The following PLCXD3 variants were observed in gnomAD, a reference collection of about 807,000 sequenced individuals.
The protein encoded by PLCXD3 is PI-PLC X domain-containing protein 3.
A neutral mutation model predicts 25.5 loss-of-function variants in PLCXD3; 19 were observed. The ratio of observed to expected loss-of-function variants is 0.75; its 90% CI spans 0.52 to 1.09. PLCXD3 has a LOEUF of 1.09. Among genes scored for constraint, PLCXD3 ranks in the 50% least tolerant of loss-of-function variants. The probability of loss-of-function intolerance (pLI) is 0.00; values close to 1 mark genes in which losing one functional copy is unlikely to be tolerated. For missense variants in PLCXD3, 411 were observed against 388.1 expected (o/e 1.06, Z -0.50); for synonymous variants, 174 against 137.6 (o/e 1.26, Z -1.85).
rs183885914 is a variant in PLCXD3, at chr5:41,349,301, C to T, written c.812+32525G>A. On this transcript the variant is annotated intron_variant, in intron 2 of 2. Coordinates refer to ENST00000377801, the MANE Select transcript of PLCXD3 (RefSeq NM_001005473.3). ...AAGCATGGCTTTAGGATCAAAGAAGCTATCAGAAGTTCAAAATTTTATGTC... is the reference window on the plus strand; with the variant it reads ...AAGCATGGCTTTAGGATCAAAGAAGTTATCAGAAGTTCAAAATTTTATGTC... Among the ~76,000 whole-genome samples, 373 of 152,258 alleles carry T rather than the reference C, an allele frequency of 2.4e-3. 2 individuals carry two copies. The highest frequency in any genetic ancestry group is 7.9e-3 in the African/African-American group (330 of 41,554).
chr5:41,450,026 A>T (rs893971945), intron 1 of PLCXD3, among the ~76,000 whole-genome samples: 1 of 152,044 alleles, frequency 6.6e-6, no homozygotes, highest in African/African-American at 2.4e-5. Flanking sequence ...AGAGAACAGC[A>T]ATACAGTAAA....
At chr5:41,477,710 G>A (rs1373589854) in intron 1 of PLCXD3, among the ~76,000 whole-genome samples, 1 of 151,984 alleles carries the variant, frequency 6.6e-6, no homozygotes, top group Admixed American at 6.6e-5. Context: ...GGCATTAGAA[G>A]TCATTCTGAA....
chr5:41,468,609 A>G (rs1748079103), intron 1 of PLCXD3, among the ~76,000 whole-genome samples: 1 of 152,188 alleles, frequency 6.6e-6, no homozygotes, highest in African/African-American at 2.4e-5. Flanking sequence ...TAAATTTACA[A>G]CTAAGTATTT....
chr5:41,387,841 T>A (rs550470907), intron 1 of PLCXD3, among the ~76,000 whole-genome samples: 1 of 152,252 alleles, frequency 6.6e-6, no homozygotes, highest in Admixed American at 6.5e-5. Flanking sequence ...CAGCTTAATA[T>A]GTGATGCACA....
At chr5:41,381,485 T>C (rs1745459678) in intron 2 of PLCXD3, among the ~76,000 whole-genome samples, 1 of 151,836 alleles carries the variant, frequency 6.6e-6, no homozygotes, top group African/African-American at 2.4e-5. Context: ...GAAAATGGCA[T>C]GAGAAAAAGG....
intron 2 of PLCXD3, among the ~76,000 whole-genome samples, chr5:41,323,073 A>G (rs562466538): frequency 2.6e-5 from 4 of 152,324 alleles, no homozygotes; most frequent in Admixed American, 2.6e-4. Flanking sequence ...TTGCAACGAC[A>G]TGCATGGAAC....
intron 2 of PLCXD3, among the ~76,000 whole-genome samples, chr5:41,332,933 G>T (rs2150475153): frequency 6.6e-6 from 1 of 152,158 alleles, no homozygotes; most frequent in Non-Finnish European, 1.5e-5. Flanking sequence ...ATCACACTCT[G>T]GGGACTGTTG....
At chr5:41,488,698 C>T (rs1216739348) in intron 1 of PLCXD3, among the ~76,000 whole-genome samples, 1 of 146,824 alleles carries the variant, frequency 6.8e-6, no homozygotes, top group African/African-American at 2.6e-5. Flanking sequence ...AGCATTTTTT[C>T]ATGTGGTTTT....
intron 1 of PLCXD3, among the ~76,000 whole-genome samples, chr5:41,477,227 A>G (rs1397029408): frequency 6.6e-6 from 1 of 152,160 alleles, no homozygotes; most frequent in Non-Finnish European, 1.5e-5. Flanking sequence ...CAGTATAGAA[A>G]TGGTACTTAC....
intron 1 of PLCXD3, among the ~76,000 whole-genome samples, chr5:41,457,940 G>A (rs1283151559): frequency 2.0e-5 from 3 of 151,850 alleles, no homozygotes; most frequent in African/African-American, 7.3e-5. Flanking sequence ...AGGGCTGCGT[G>A]TTACTGGATG....
At position 41,313,561 on chromosome 5, in the gene PLCXD3, T is replaced by C; in HGVS notation, c.*56A>G. Reference sequence around the variant, plus strand: ...AAGATCAGAGTGTTTACAGATAGTATGCCCTAATACAATGAGCTTTCTCCA... The same window carrying C: ...AAGATCAGAGTGTTTACAGATAGTACGCCCTAATACAATGAGCTTTCTCCA... On this transcript the variant is annotated 3_prime_UTR_variant, in exon 3 of 3. Transcript: ENST00000377801. 3 of 1,596,252 alleles carry C rather than the reference T, an allele frequency of 1.9e-6. No homozygotes were observed. The highest frequency in any genetic ancestry group is 1.7e-6 in the Non-Finnish European group (2 of 1,164,626).
chr5:41,322,222 C>A lies in PLCXD3; in HGVS notation c.813-8452G>T, dbSNP rs1743493190. Among the ~76,000 whole-genome samples, 5 of 152,244 alleles carry A rather than the reference C, an allele frequency of 3.3e-5. No homozygotes were observed. The South Asian group carries it at 1.0e-3, about 32-fold the overall frequency. On this transcript the variant is annotated intron_variant, in intron 2 of 2. Transcript: ENST00000377801. ...AACCAGGATATATAAGGAACTTGAA[C>A]AACTTTATAGGAAAAAAAGCTAATT...
chr5:41,311,091 T>C lies in PLCXD3; in HGVS notation c.*2526A>G, dbSNP rs1195123484. On this transcript the variant is annotated 3_prime_UTR_variant, in exon 3 of 3. Coordinates refer to ENST00000377801, the MANE Select transcript of PLCXD3 (RefSeq NM_001005473.3). Reference sequence around the variant, plus strand: ...TATTCATGATATGATGAAAAATCTGTTTTCCATTATATTTATAAAATTAAA... The same window carrying C: ...TATTCATGATATGATGAAAAATCTGCTTTCCATTATATTTATAAAATTAAA... 6.6e-6 allele frequency: 1 copy of C among 152,150 alleles called. No homozygotes were observed. The highest frequency in any genetic ancestry group is 1.5e-5 in the Non-Finnish European group (1 of 68,010). The allele number at this position is 152,150 out of a possible 1,614,324, so 9.4% of individuals were successfully genotyped here.
intron 1 of PLCXD3, among the ~76,000 whole-genome samples, chr5:41,395,589 A>T (rs1414006158): frequency 6.6e-6 from 1 of 152,112 alleles, no homozygotes; most frequent in East Asian, 1.9e-4. Flanking sequence ...AAAAGGAGAG[A>T]CTATCTAAAT....
chr5:41,390,241 A>G (rs1224788839), intron 1 of PLCXD3, among the ~76,000 whole-genome samples: 1 of 152,144 alleles, frequency 6.6e-6, no homozygotes, highest in Admixed American at 6.6e-5. Flanking sequence ...ATTTGCATAC[A>G]TCACAATTAA....
At position 41,424,540 on chromosome 5, in the gene PLCXD3, C is replaced by CA. The variant is rs956127836; in HGVS notation, c.104-42007dup. On this transcript the variant is annotated intron_variant, in intron 1 of 2. Coordinates refer to ENST00000377801, the MANE Select transcript of PLCXD3 (RefSeq NM_001005473.3). ...GGGCAACAAGAGCAAAACTCCATTTCAAAAAAAAAATAGGTTGTGAATTTC... is the reference window on the plus strand; with the variant it reads ...GGGCAACAAGAGCAAAACTCCATTTCAAAAAAAAAAATAGGTTGTGAATTTC... Among the ~76,000 whole-genome samples the CA allele has an allele frequency of 5.2e-4, 76 of 147,276 alleles. 1 individual carries two copies. The East Asian group carries it at 9.7e-3, about 19-fold the overall frequency.
At chr5:41,470,141 T>C (rs1372370444) in intron 1 of PLCXD3, among the ~76,000 whole-genome samples, 1 of 152,190 alleles carries the variant, frequency 6.6e-6, no homozygotes, top group Non-Finnish European at 1.5e-5. Context: ...TAAATATGCA[T>C]GTTTATCTCT....
intron 2 of PLCXD3, among the ~76,000 whole-genome samples, chr5:41,342,220 G>T (rs1453579745): frequency 6.6e-6 from 1 of 152,146 alleles, no homozygotes; most frequent in African/African-American, 2.4e-5. Flanking sequence ...CTCTAATGAT[G>T]TAATAGTTTT....
intron 1 of PLCXD3, among the ~76,000 whole-genome samples, chr5:41,388,483 C>T (rs1286031940): frequency 2.6e-5 from 4 of 152,044 alleles, no homozygotes; most frequent in African/African-American, 4.8e-5. Flanking sequence ...TTCCACTGCC[C>T]TGAATGGTAC....
Sources: gnomAD v4.1 joint callset for allele counts (sites outside exome capture counted in the v4.1 genomes callset) on GRCh38, gnomAD v4.1.1 for gene constraint, MANE v1.5 for transcripts, NCBI Gene and HGNC (gene_info 2026-07-23, HGNC 2026-07-21) for gene names.